The following NRIP2 variants were observed in gnomAD, a reference collection of about 807,000 sequenced individuals.
NRIP2 encodes nuclear receptor interacting protein 2, also known as nuclear receptor-interacting protein 2.
A neutral mutation model predicts 34.1 loss-of-function variants in NRIP2; 27 were observed. The observed-to-expected ratio is 0.79, with a 90% confidence interval of 0.58 to 1.09. The LOEUF (loss-of-function observed/expected upper bound fraction) is 1.09. NRIP2 is among the 50% of genes least tolerant of loss of function. NRIP2 has a pLI of 0.00. For missense variants in NRIP2, 385 were observed against 352.6 expected (o/e 1.09, Z -0.74); for synonymous variants, 145 against 146.9 (o/e 0.99, Z 0.09).
At chr12:2,832,819 C>T (rs573673402) in intron 1 of NRIP2, among the ~76,000 whole-genome samples, 1 of 150,544 alleles carries the variant, frequency 6.6e-6, no homozygotes, top group African/African-American at 2.4e-5. Flanking sequence ...TCCACCTGCC[C>T]TCTCTCCTTG....
At chr12:2,831,812 G>T (rs1011300541) in intron 1 of NRIP2, among the ~76,000 whole-genome samples, 1 of 151,768 alleles carries the variant, frequency 6.6e-6, no homozygotes, top group Non-Finnish European at 1.5e-5. Flanking sequence ...GCCCAGACTG[G>T]ACTCTAATTC....
Position 2,827,422 on chromosome 12 carries a change from C to G in NRIP2, c.754-123G>C, listed in dbSNP as rs1377916874. On this transcript the variant is annotated intron_variant, in intron 5 of 5. Coordinates refer to ENST00000337508, the MANE Select transcript of NRIP2 (RefSeq NM_031474.3). The surrounding 1 kb of genome is among the most constrained non-coding windows in gnomAD (Gnocchi z 4.0). ...CCTGCCTTTTGCTCTTCCCCCATCC[C>G]CATTTCCCTAGACTCCTGTTGAAGG... The G allele has an allele frequency of 1.3e-6, 2 of 1,522,238 alleles. No homozygotes were observed. The highest frequency in any genetic ancestry group is 2.2e-4 in the Middle Eastern group (1 of 4,494). The allele number at this position is 1,522,238 out of a possible 1,614,324, so 94.3% of individuals were successfully genotyped here.
In NRIP2 at chr12:2,827,770, A is replaced by G; in HGVS notation, c.701-93T>C. On this transcript the variant is annotated intron_variant, in intron 4 of 5. Coordinates refer to ENST00000337508, the MANE Select transcript of NRIP2 (RefSeq NM_031474.3). This position sits in a 1 kb window ranked among gnomAD's most constrained non-coding sequence, Gnocchi z 4.0. ...CCGTTGCTCCTTCTCTGCCCACCCC[A>G]TCCCCAGATCCGAGGACACTGGCAC... 1.2e-6 allele frequency: 2 copies of G among 1,608,268 alleles called. No individual in the cohort carries two copies. Among genetic ancestry groups the G allele is most frequent in the Middle Eastern group, 4.3e-4 (2 of 4,658 alleles).
At chr12:2,828,646 C>T (rs1009232017) in intron 2 of NRIP2, among the ~76,000 whole-genome samples, 3 of 152,162 alleles carry the variant, frequency 2.0e-5, no homozygotes, top group Admixed American at 6.5e-5. Flanking sequence ...TCAAGACCAG[C>T]CTGACCAGGG....
At chr12:2,834,308 C>T (rs905692500) in intron 1 of NRIP2, among the ~76,000 whole-genome samples, 2 of 152,206 alleles carry the variant, frequency 1.3e-5, no homozygotes, top group Non-Finnish European at 2.9e-5. Context: ...CCTCCAGGCC[C>T]TCCTGGTTGT....
intron 1 of NRIP2, 97 bp from the exon 2 acceptor site, chr12:2,830,957 AC>A (rs71441693): frequency 6.0e-5 from 70 of 1,166,472 alleles, no homozygotes; most frequent in Admixed American, 5.5e-4. Flanking sequence ...TGCTCCCCCC[AC>A]CCCCCCAGCC....
chr12:2,831,734 C>G (rs569071561), intron 1 of NRIP2, among the ~76,000 whole-genome samples: 10 of 152,212 alleles, frequency 6.6e-5, no homozygotes, highest in African/African-American at 2.4e-4. Context: ...ATCTGTCCCT[C>G]CTTTCCTTCT....
In NRIP2 at chr12:2,826,228, C is replaced by G. The variant is rs1252996417; in HGVS notation, c.*979G>C. ...TTAAAAAAAAAAAAAAAGCCTCTGT[C>G]TTTTTGCTTTGGCAAAGCCTGGCAG... On this transcript the variant is annotated 3_prime_UTR_variant, in exon 6 of 6. Transcript: ENST00000337508. 1 of 151,088 alleles carries G rather than the reference C, an allele frequency of 6.6e-6. No individual in the cohort carries two copies. Among genetic ancestry groups the G allele is most frequent in the Non-Finnish European group, 1.5e-5 (1 of 67,860 alleles). The allele number at this position is 151,088 out of a possible 1,614,324, so 9.4% of individuals were successfully genotyped here.
Position 2,834,648 on chromosome 12 carries a change from C to G in NRIP2, c.336G>C (p.Lys112Asn), listed in dbSNP as rs2098019201. ...LDSLKRLGTS[K>N]DLQPRSVIQR... is the part of the protein sequence containing the mutation. Reference sequence around the variant, plus strand: ...GGGAGGGGTGATGCCTCACCAAGTCCTTGGAGGTGCCGAGCCTCTTGAGGC... The same window carrying G: ...GGGAGGGGTGATGCCTCACCAAGTCGTTGGAGGTGCCGAGCCTCTTGAGGC... The change falls in exon 1 of 6, where the codon AAG (lysine) becomes AAC (asparagine). Residue 112 changes from lysine to asparagine, a missense_variant. Transcript: ENST00000337508. 4 of 1,595,388 alleles carry G rather than the reference C, an allele frequency of 2.5e-6. No individual in the cohort carries two copies. The highest frequency in any genetic ancestry group is 1.3e-5 in the African/African-American group (1 of 74,406).
At chr12:2,834,186 G>A (rs536160486) in intron 1 of NRIP2, among the ~76,000 whole-genome samples, 112 of 152,318 alleles carry the variant, frequency 7.4e-4, no homozygotes, top group African/African-American at 2.6e-3. Context: ...GGGAAGGATG[G>A]AGACCCCCGA....
intron 1 of NRIP2, among the ~76,000 whole-genome samples, chr12:2,831,476 C>T (rs546814392): frequency 3.3e-5 from 5 of 151,886 alleles, no homozygotes; most frequent in South Asian, 2.1e-4. Context: ...CCCAGCTACT[C>T]GGGAGGCTGA....
Position 2,834,655 on chromosome 12 carries a change from G to A in NRIP2, c.329C>T (p.Thr110Ile). The A allele has an allele frequency of 1.3e-6, 2 of 1,598,954 alleles. No homozygotes were observed. The highest frequency in any genetic ancestry group is 8.5e-7 in the Non-Finnish European group (1 of 1,172,098). The change falls in exon 1 of 6, where the codon ACC (threonine) becomes ATC (isoleucine). Residue 110 changes from threonine (T) to isoleucine (I), a missense_variant. Physicochemically the swap from Thr to Ile is moderately conservative, Grantham distance 89. Transcript: ENST00000337508. ...LPLDSLKRLG[T>I]SKDLQPRSVI... ...GTGATGCCTCACCAAGTCCTTGGAG[G>A]TGCCGAGCCTCTTGAGGCTGTCCAG...
In NRIP2 at chr12:2,827,809, A is replaced by G; in HGVS notation, c.700+117T>C. On this transcript the variant is annotated intron_variant, in intron 4 of 5. Transcript: ENST00000337508. This position sits in a 1 kb window ranked among gnomAD's most constrained non-coding sequence, Gnocchi z 4.0. ...GGACACTGGCACAGAGATGGGGGAT[A>G]GTCAGAACATCTCTGGGAACTCCTC... 1 of 1,603,314 alleles carries G rather than the reference A, an allele frequency of 6.2e-7. No individual in the cohort carries two copies. Among genetic ancestry groups the G allele is most frequent in the Non-Finnish European group, 8.5e-7 (1 of 1,175,256 alleles).
chr12:2,827,119 A>G lies in NRIP2; in HGVS notation c.*88T>C. On this transcript the variant is annotated 3_prime_UTR_variant, in exon 6 of 6. Coordinates refer to ENST00000337508, the MANE Select transcript of NRIP2 (RefSeq NM_031474.3). This position sits in a 1 kb window ranked among gnomAD's most constrained non-coding sequence, Gnocchi z 4.0. ...TGGAAGGGCAGACACCATAGTCCCCAGCTACCTGGCTTCAAGAGCCCCCGT... is the reference window on the plus strand; with the variant it reads ...TGGAAGGGCAGACACCATAGTCCCCGGCTACCTGGCTTCAAGAGCCCCCGT... 2.5e-6 allele frequency: 4 copies of G among 1,591,692 alleles called. No homozygotes were observed.
intron 1 of NRIP2, 151 bp downstream of exon 1, chr12:2,834,491 T>G: frequency 2.4e-5 from 27 of 1,119,392 alleles, no homozygotes; most frequent in Non-Finnish European, 3.1e-5. Flanking sequence ...TGAAGAGCCT[T>G]GAGTTGGCAG....
intron 1 of NRIP2, among the ~76,000 whole-genome samples, chr12:2,831,071 T>C (rs2098000247): frequency 6.6e-6 from 1 of 151,422 alleles, no homozygotes; most frequent in Non-Finnish European, 1.5e-5. Flanking sequence ...CATAGATTGC[T>C]CAGCAGTGAA....
Position 2,827,364 on chromosome 12 carries a change from T to C in NRIP2, c.754-65A>G. Reference sequence around the variant, plus strand: ...CGCCACCTGCCTCCCGGCCTGCTCCTTTTGTTCCCCCTCCCACTTCCCACA... The same window carrying C: ...CGCCACCTGCCTCCCGGCCTGCTCCCTTTGTTCCCCCTCCCACTTCCCACA... On this transcript the variant is annotated intron_variant, in intron 5 of 5. Transcript: ENST00000337508. The surrounding 1 kb of genome is among the most constrained non-coding windows in gnomAD (Gnocchi z 4.0). 2 of 1,555,174 alleles carry C rather than the reference T, an allele frequency of 1.3e-6. No individual in the cohort carries two copies.
intron 1 of NRIP2, 118 bp from the exon 2 acceptor site, chr12:2,830,978 AC>A: frequency 1.0e-6 from 1 of 980,706 alleles, no homozygotes; most frequent in Non-Finnish European, 1.4e-6. Flanking sequence ...CCTGAGCCTT[AC>A]CCTAGGAGTT....
Position 2,827,164 on chromosome 12 carries a change from C to G in NRIP2, c.*43G>C. The G allele has an allele frequency of 6.2e-7, 1 of 1,613,366 alleles. No homozygotes were observed. The highest frequency in any genetic ancestry group is 8.5e-7 in the Non-Finnish European group (1 of 1,179,734). ...CCCCGTTCCCCACACGCCTCTTCTTCTAAGGCAAGGTCTTTCCCTCTGGGG... is the reference window on the plus strand; with the variant it reads ...CCCCGTTCCCCACACGCCTCTTCTTGTAAGGCAAGGTCTTTCCCTCTGGGG... On this transcript the variant is annotated 3_prime_UTR_variant, in exon 6 of 6. Coordinates refer to ENST00000337508, the MANE Select transcript of NRIP2 (RefSeq NM_031474.3). This position sits in a 1 kb window ranked among gnomAD's most constrained non-coding sequence, Gnocchi z 4.0.
Sources: allele counts gnomAD v4.1 joint callset (sites outside exome capture counted in the v4.1 genomes callset), GRCh38; gene constraint gnomAD v4.1.1; non-coding constraint Gnocchi (gnomAD v3.1); transcripts MANE v1.5; gene names NCBI Gene and HGNC (gene_info 2026-07-23, HGNC 2026-07-21).